MAGI2: variants seen among roughly 807,000 people sequenced by gnomAD.
MAGI2 encodes membrane associated guanylate kinase, WW and PDZ domain containing 2.
MAGI2 carries 35 observed loss-of-function variants against 133.3 expected under a neutral mutation model. The observed-to-expected ratio is 0.26, with a 90% CI of 0.20 to 0.35. The LOEUF is 0.35. Among genes scored for constraint, MAGI2 ranks in the 10% least tolerant of loss-of-function variants. MAGI2 has a pLI of 1.00. For missense variants in MAGI2, 1,636 were observed against 1,863.4 expected (o/e 0.88, Z 2.25); for synonymous variants, 729 against 710.6 (o/e 1.03, Z -0.41).
chr7:79,099,258 T>C (rs1468906852), intron 1 of MAGI2, among the ~76,000 whole-genome samples: 12 of 151,832 alleles, frequency 7.9e-5, no homozygotes, highest in Non-Finnish European at 1.5e-5. Flanking sequence ...TTATCTATTA[T>C]CCAAAAGAAT....
intron 1 of MAGI2, among the ~76,000 whole-genome samples, chr7:79,431,428 G>A (rs1435219839): frequency 6.6e-6 from 1 of 152,046 alleles, no homozygotes; most frequent in East Asian, 1.9e-4. Flanking sequence ...AATAATATTT[G>A]TTCTAAAAAT....
chr7:78,614,458 T>C (rs1333542843), intron 3 of MAGI2: 1 of 152,190 alleles, frequency 6.6e-6, no homozygotes, highest in Non-Finnish European at 1.5e-5. Flanking sequence ...GCACATTCAT[T>C]AGTTGCTTTA....
intron 1 of MAGI2, among the ~76,000 whole-genome samples, chr7:79,376,707 A>G (rs1585756928): frequency 6.6e-6 from 1 of 151,776 alleles, no homozygotes; most frequent in African/African-American, 2.4e-5. Context: ...TTTTAAAGTT[A>G]TTTGTTTCAA....
intron 2 of MAGI2, among the ~76,000 whole-genome samples, chr7:78,875,792 T>A (rs187820376): frequency 1.4e-4 from 21 of 152,236 alleles, no homozygotes; most frequent in Middle Eastern, 6.8e-3. Flanking sequence ...AACAAAAACT[T>A]CAGCAGCTGG....
intron 9 of MAGI2, among the ~76,000 whole-genome samples, chr7:78,320,473 C>T (rs1334317503): frequency 6.6e-6 from 1 of 152,090 alleles, no homozygotes; most frequent in Non-Finnish European, 1.5e-5. Context: ...TCAACATTTG[C>T]AAATCAATAA....
intron 21 of MAGI2, among the ~76,000 whole-genome samples, chr7:78,043,274 T>C (rs1811046625): frequency 2.0e-5 from 3 of 152,196 alleles, no homozygotes; most frequent in Non-Finnish European, 2.9e-5. Flanking sequence ...TTTTGGTAAC[T>C]AAAATTGATA....
intron 2 of MAGI2, among the ~76,000 whole-genome samples, chr7:78,901,983 T>C (rs972023386): frequency 6.6e-6 from 1 of 152,170 alleles, no homozygotes; most frequent in Non-Finnish European, 1.5e-5. Flanking sequence ...TTCAATGAAA[T>C]GATCTAACCA....
chr7:78,363,244 A>C (rs1793014622), intron 7 of MAGI2, among the ~76,000 whole-genome samples: 1 of 152,202 alleles, frequency 6.6e-6, no homozygotes, highest in South Asian at 2.1e-4. Flanking sequence ...CTGTAATCCC[A>C]GCACTTTGCG....
intron 16 of MAGI2, among the ~76,000 whole-genome samples, chr7:78,144,493 G>A (rs183138368): frequency 2.0e-5 from 3 of 152,238 alleles, no homozygotes; most frequent in African/African-American, 7.2e-5. Flanking sequence ...GTTCACTGAA[G>A]CGTTTATGAT....
At chr7:79,317,556 A>T (rs539703286) in intron 1 of MAGI2, among the ~76,000 whole-genome samples, 1 of 152,336 alleles carries the variant, frequency 6.6e-6, no homozygotes, top group Admixed American at 6.5e-5. Flanking sequence ...GGGATATCAA[A>T]GTAATCATTT....
At chr7:78,957,212 C>A (rs959748376) in intron 2 of MAGI2, among the ~76,000 whole-genome samples, 1 of 145,638 alleles carries the variant, frequency 6.9e-6, no homozygotes, top group African/African-American at 2.6e-5. Context: ...TTGCAGTCAG[C>A]CAAGATTGCG....
At chr7:78,930,826 T>C (rs1459462145) in intron 2 of MAGI2, among the ~76,000 whole-genome samples, 1 of 152,098 alleles carries the variant, frequency 6.6e-6, no homozygotes, top group Non-Finnish European at 1.5e-5. Flanking sequence ...CAATTTCTGT[T>C]TCCTATTCTC....
At chr7:78,277,953 A>G (rs1795209919) in intron 9 of MAGI2, among the ~76,000 whole-genome samples, 1 of 152,150 alleles carries the variant, frequency 6.6e-6, no homozygotes, top group Admixed American at 6.6e-5. Context: ...AAGAGAAAAC[A>G]CATTGGGTTA....
chr7:78,338,699 T>C (rs1404800715), intron 9 of MAGI2, among the ~76,000 whole-genome samples: 1 of 152,236 alleles, frequency 6.6e-6, no homozygotes, highest in East Asian at 1.9e-4. Context: ...CATTTTAAAT[T>C]ATCTCACAAT....
At chr7:79,133,727 T>C (rs189923819) in intron 1 of MAGI2, among the ~76,000 whole-genome samples, 14 of 152,292 alleles carry the variant, frequency 9.2e-5, no homozygotes, top group Admixed American at 7.2e-4. Flanking sequence ...AGAAAATTTT[T>C]CAATTATAGA....
chr7:78,637,914 C>T (rs557545480), intron 2 of MAGI2, among the ~76,000 whole-genome samples: 16 of 151,910 alleles, frequency 1.1e-4, no homozygotes, highest in Non-Finnish European at 2.2e-4. Context: ...CTCATTTCTA[C>T]AAAAAATTTA....
chr7:79,263,899 G>A (rs543685501), intron 1 of MAGI2, among the ~76,000 whole-genome samples: 40 of 152,134 alleles, frequency 2.6e-4, no homozygotes, highest in African/African-American at 8.4e-4. Context: ...TACTGAAAAA[G>A]CAACATTAAC....
At chr7:79,252,291 G>C (rs1039268228) in intron 1 of MAGI2, among the ~76,000 whole-genome samples, 40 of 152,072 alleles carry the variant, frequency 2.6e-4, no homozygotes, top group African/African-American at 8.4e-4. Flanking sequence ...TAGATCTGAA[G>C]GTCATTACAT....
At chr7:79,438,618 C>A (rs1848301422) in intron 1 of MAGI2, among the ~76,000 whole-genome samples, 2 of 152,042 alleles carry the variant, frequency 1.3e-5, no homozygotes, top group Non-Finnish European at 2.9e-5. Flanking sequence ...ACACCTAGCC[C>A]TAAGTCAGAA....
Sources: allele counts gnomAD v4.1 joint callset (sites outside exome capture counted in the v4.1 genomes callset), GRCh38; gene constraint gnomAD v4.1.1; transcripts MANE v1.5; gene names NCBI Gene and HGNC (gene_info 2026-07-23, HGNC 2026-07-21).